The following OXR1 variants were observed in gnomAD, a reference collection of about 807,000 sequenced individuals.
The protein encoded by OXR1 is oxidation resistance 1.
A neutral mutation model predicts 104.6 loss-of-function variants in OXR1; 41 were observed. The ratio of observed to expected loss-of-function variants is 0.39; its 90% CI spans 0.31 to 0.51. The LOEUF is 0.51. OXR1 is among the 20% of genes least tolerant of loss of function. The pLI is 0.77. For synonymous variants in OXR1, 348 were observed against 348.4 expected (o/e 1.00, Z 0.01); for missense variants, 955 against 1,031.9 (o/e 0.93, Z 1.02).
At position 106,666,218 on chromosome 8, in the gene OXR1, T is replaced by C. The variant is rs568414777; in HGVS notation, c.221-12992T>C. The stretch of plus-strand genomic sequence containing the variant: ...GTTTTACATTTTAAACTATAGATTT[T>C]AGATAGTTACGACTCTCTGTTTTGG... On this transcript the variant is annotated intron_variant, in intron 3 of 16. Transcript: ENST00000517566. 3.9e-5 allele frequency among the ~76,000 whole-genome samples: 6 copies of C among 152,352 alleles called. No homozygotes were observed. The South Asian group carries it at 8.3e-4, about 21-fold the overall frequency.
At chr8:106,442,803 C>T (rs1268671540) in intron 2 of OXR1, among the ~76,000 whole-genome samples, 1 of 151,984 alleles carries the variant, frequency 6.6e-6, no homozygotes, top group Non-Finnish European at 1.5e-5. Flanking sequence ...TGATTCTTCT[C>T]ATCTTCCCTC....
At chr8:106,447,836 T>G (rs1820077646) in intron 2 of OXR1, 4 of 1,370,806 alleles carry the variant, frequency 2.9e-6, no homozygotes, top group South Asian at 1.6e-5. Flanking sequence ...CTGTGTGGGA[T>G]TTGGGTCTCT....
rs572704215 is a variant in OXR1, at chr8:106,368,621, A to G, written c.23+8985A>G. Among the ~76,000 whole-genome samples, 3 of 150,198 alleles carry G rather than the reference A, an allele frequency of 2.0e-5. No individual in the cohort carries two copies. The East Asian group carries it at 5.9e-4, about 29-fold the overall frequency. On this transcript the variant is annotated intron_variant, in intron 2 of 16. Transcript: ENST00000517566. Reference sequence around the variant, plus strand: ...TGTGTCCATGTGTTCTCAATGTTCAACTCTTGCTTATGAGTGAGAACACAC... The same window carrying G: ...TGTGTCCATGTGTTCTCAATGTTCAGCTCTTGCTTATGAGTGAGAACACAC...
At chr8:106,288,943 G>A (rs1812630602) in intron 1 of OXR1, among the ~76,000 whole-genome samples, 1 of 151,880 alleles carries the variant, frequency 6.6e-6, no homozygotes. Context: ...GGAAAAAAGT[G>A]GTGAATAACA....
At chr8:106,274,608 C>CCG (rs1554616301) in intron 1 of OXR1, among the ~76,000 whole-genome samples, 11 of 143,376 alleles carry the variant, frequency 7.7e-5, no homozygotes, top group African/African-American at 2.3e-4. Context: ...CCACCCCCCC[C>CCG]CCGACCCCGC....
intron 3 of OXR1, among the ~76,000 whole-genome samples, chr8:106,609,041 G>A (rs1820612308): frequency 6.6e-6 from 1 of 152,094 alleles, no homozygotes; most frequent in South Asian, 2.1e-4. Flanking sequence ...TTTCCTGATT[G>A]CTTTCTGTTT....
intron 2 of OXR1, among the ~76,000 whole-genome samples, chr8:106,404,741 T>C (rs549412319): frequency 5.3e-5 from 8 of 152,216 alleles, no homozygotes; most frequent in African/African-American, 1.9e-4. Flanking sequence ...AGTCTCACTC[T>C]GTTGCCCAGG....
At chr8:106,670,276 T>A (rs901930545) in intron 3 of OXR1, among the ~76,000 whole-genome samples, 4 of 152,188 alleles carry the variant, frequency 2.6e-5, no homozygotes, top group African/African-American at 7.2e-5. Flanking sequence ...ATTATCAAAA[T>A]TTCTGTAACT....
chr8:106,710,805 C>G lies in OXR1; in HGVS notation c.1793+15C>G, dbSNP rs187969425. 1 of 1,452,996 alleles carries G rather than the reference C, an allele frequency of 6.9e-7. No individual in the cohort carries two copies. Among genetic ancestry groups the G allele is most frequent in the Non-Finnish European group, 9.2e-7 (1 of 1,091,036 alleles). 90.0% of individuals were successfully genotyped at this position (1,452,996 alleles called of 1,614,324 possible). ...CCACAAGAAAGGTAAAAAACCCATA[C>G]GACACCTTGAGAGCATTATTGAGAT... On this transcript the variant is annotated intron_variant, in intron 10 of 16. Transcript: ENST00000517566.
rs957065916 is a variant in OXR1 at position 106,703,022 on chromosome 8, G to T, written c.792G>T (p.Met264Ile). 7 of 1,613,654 alleles carry T rather than the reference G, an allele frequency of 4.3e-6. No individual in the cohort carries two copies. The highest frequency in any genetic ancestry group is 5.9e-6 in the Non-Finnish European group (7 of 1,179,792). The change falls in exon 8 of 17, where the codon ATG becomes ATT. Residue 264 changes from methionine (M) to isoleucine (I), a missense_variant. This residue lies in a region of OXR1 where 849 missense variants were observed against 852.9 expected (regional missense o/e 1.00). Transcript: ENST00000517566. ...AGGAATATGGCATCATGTGTCCAAT[G>T]GAAGAGGTGATGTCAGCTGCAATGT... ...GCEEYGIMCP[M>I]EEVMSAAMYK...
At chr8:106,317,486 C>T (rs1421834457) in intron 1 of OXR1, among the ~76,000 whole-genome samples, 1 of 152,016 alleles carries the variant, frequency 6.6e-6, no homozygotes, top group Non-Finnish European at 1.5e-5. Context: ...GGGTATGAGC[C>T]CATTACTTTG....
intron 3 of OXR1, among the ~76,000 whole-genome samples, chr8:106,543,928 G>C (rs192595266): frequency 6.6e-6 from 1 of 152,254 alleles, no homozygotes; most frequent in Non-Finnish European, 1.5e-5. Context: ...CTCCTTGATG[G>C]AATTTAAATG....
intron 1 of OXR1, among the ~76,000 whole-genome samples, chr8:106,292,462 G>A (rs1176105389): frequency 6.6e-6 from 1 of 152,136 alleles, no homozygotes; most frequent in Non-Finnish European, 1.5e-5. Context: ...TGAGTGACTA[G>A]TTAAGATGGA....
At chr8:106,541,071 C>T (rs1180127219) in intron 3 of OXR1, among the ~76,000 whole-genome samples, 4 of 152,034 alleles carry the variant, frequency 2.6e-5, no homozygotes, top group Non-Finnish European at 5.9e-5. Flanking sequence ...TTTCTCTGAC[C>T]CTCATTTTCT....
At chr8:106,273,075 G>A (rs1395409973) in intron 1 of OXR1, among the ~76,000 whole-genome samples, 1 of 152,062 alleles carries the variant, frequency 6.6e-6, no homozygotes, top group Non-Finnish European at 1.5e-5. Context: ...TTTTACTCCC[G>A]ATCTCCTGCA....
intron 11 of OXR1, among the ~76,000 whole-genome samples, chr8:106,730,362 C>G (rs1332765756): frequency 6.6e-6 from 1 of 152,034 alleles, no homozygotes; most frequent in Non-Finnish European, 1.5e-5. Context: ...TTTTTCTGCC[C>G]TAAAAATTCC....
chr8:106,440,847 A>G (rs1819752246), intron 2 of OXR1, among the ~76,000 whole-genome samples: 1 of 152,132 alleles, frequency 6.6e-6, no homozygotes, highest in African/African-American at 2.4e-5. Context: ...AACCTAGATG[A>G]TAGGAGTGTT....
At chr8:106,397,883 A>G (rs1817844883) in intron 2 of OXR1, among the ~76,000 whole-genome samples, 1 of 152,170 alleles carries the variant, frequency 6.6e-6, no homozygotes, top group South Asian at 2.1e-4. Context: ...TGGAGACCAC[A>G]AGCCAAAATC....
chr8:106,640,496 C>T (rs11994941), intron 3 of OXR1, among the ~76,000 whole-genome samples: 3 of 151,488 alleles, frequency 2.0e-5, no homozygotes, highest in African/African-American at 7.3e-5. Flanking sequence ...ATCTGTATGG[C>T]GCTCTTTTTA....
Sources: allele counts gnomAD v4.1 joint callset (sites outside exome capture counted in the v4.1 genomes callset), GRCh38; gene constraint gnomAD v4.1.1; regional missense constraint gnomAD v4.1.1; transcripts MANE v1.5; gene names NCBI Gene and HGNC (gene_info 2026-07-23, HGNC 2026-07-21).